Variants in RAD51B observed in about 807,000 individuals in gnomAD.
RAD51B encodes RAD51 paralog B.
A neutral mutation model predicts 42.2 loss-of-function variants in RAD51B; 38 were observed. That is an observed-to-expected ratio of 0.90 (90% CI 0.70 to 1.18). The LOEUF (loss-of-function observed/expected upper bound fraction) is 1.18, where lower values mean the gene tolerates loss of function less well. RAD51B is among the 50% of genes most tolerant of loss of function. The pLI, the probability that RAD51B is intolerant of heterozygous loss-of-function variation, is 0.00. For missense variants in RAD51B, 373 were observed against 400.7 expected, an observed-to-expected ratio of 0.93 and a Z score of 0.59; for synonymous variants, 154 against 145.2, an observed-to-expected ratio of 1.06 and a Z score of -0.43.
chr14:67,998,858 T>C (rs1354411561), intron 7 of RAD51B, among the ~76,000 whole-genome samples: 4 of 152,190 alleles, frequency 2.6e-5, no homozygotes, highest in Admixed American at 6.5e-5. Flanking sequence ...TTTGTTCTTA[T>C]GGAATTTACT....
chr14:67,895,812 C>T (rs374291815), intron 7 of RAD51B, among the ~76,000 whole-genome samples: 2 of 152,004 alleles, frequency 1.3e-5, no homozygotes, highest in African/African-American at 4.8e-5. Flanking sequence ...TATACTACCC[C>T]GAGACCTCTC....
intron 7 of RAD51B, among the ~76,000 whole-genome samples, chr14:68,276,306 A>T (rs1177534008): frequency 6.6e-6 from 1 of 152,094 alleles, no homozygotes; most frequent in Non-Finnish European, 1.5e-5. Flanking sequence ...TCCTCCCCTG[A>T]GTCTCCCATT....
chr14:68,062,686 G>T (rs537723528), intron 7 of RAD51B, among the ~76,000 whole-genome samples: 1 of 152,022 alleles, frequency 6.6e-6, no homozygotes, highest in Non-Finnish European at 1.5e-5. Flanking sequence ...ACAGGCACCT[G>T]TAATCCTAGC....
intron 4 of RAD51B, among the ~76,000 whole-genome samples, chr14:67,843,106 A>G (rs1431412316): frequency 6.7e-6 from 1 of 149,380 alleles, no homozygotes; most frequent in Non-Finnish European, 1.5e-5. Flanking sequence ...ATCCATGTTC[A>G]TCAGGGATAT....
At chr14:68,167,800 CTTA>C (rs2078783828) in intron 7 of RAD51B, among the ~76,000 whole-genome samples, 1 of 152,118 alleles carries the variant, frequency 6.6e-6, no homozygotes, top group Non-Finnish European at 1.5e-5. Flanking sequence ...TGATATTCTA[CTTA>C]TTATACTCCC....
intron 11 of RAD51B, among the ~76,000 whole-genome samples, chr14:68,673,625 T>G (rs912820637): frequency 1.1e-4 from 16 of 149,616 alleles, no homozygotes; most frequent in Admixed American, 7.9e-4. Context: ...GTACACATAC[T>G]GTGCACACAC....
intron 7 of RAD51B, among the ~76,000 whole-genome samples, chr14:68,185,431 G>A (rs117203639): frequency 0.014 from 2,112 of 152,124 alleles, 26 homozygotes; most frequent in Middle Eastern, 0.024. Context: ...TCTATTTGTC[G>A]CAAAGACAAT....
intron 8 of RAD51B, among the ~76,000 whole-genome samples, chr14:68,366,629 A>G (rs1350802883): frequency 6.6e-6 from 1 of 152,230 alleles, no homozygotes; most frequent in Non-Finnish European, 1.5e-5. Context: ...GATGCACAGA[A>G]GAAAGTTCCG....
chr14:68,538,867 C>T (rs531275290), intron 10 of RAD51B, among the ~76,000 whole-genome samples: 1 of 152,270 alleles, frequency 6.6e-6, no homozygotes, highest in East Asian at 1.9e-4. Flanking sequence ...TCTCTCATTT[C>T]GGTAACCTCT....
rs1308844497 is a variant in RAD51B at position 68,291,903 on chromosome 14, T to C, written c.776T>C (p.Ile259Thr). ...TCACAGGTTATCTTGACGAATCAGA[T>C]TACAACCCATCTGAGTGGAGCCCTG... ...FSIPVILTNQITTHLSGALAS... is the reference protein window; with the variant it reads ...FSIPVILTNQTTTHLSGALAS... The change falls in exon 8 of 11, where the codon ATT (isoleucine) becomes ACT (threonine). Residue 259 changes from isoleucine (I) to threonine (T), a missense_variant. Ile to Thr is a moderately conservative substitution (Grantham distance 89). Transcript: ENST00000471583. The C allele has an allele frequency of 6.2e-7, 1 of 1,613,742 alleles. No homozygotes were observed. Among genetic ancestry groups the C allele is most frequent in the South Asian group, 1.1e-5 (1 of 91,072 alleles).
At chr14:67,832,799 C>G (rs1199863480) in intron 3 of RAD51B, among the ~76,000 whole-genome samples, 4 of 151,994 alleles carry the variant, frequency 2.6e-5, no homozygotes, top group Non-Finnish European at 1.5e-5. Context: ...TGCCCTGGAG[C>G]AGGCAAAACT....
chr14:68,065,987 T>C (rs2076643610), intron 7 of RAD51B, among the ~76,000 whole-genome samples: 1 of 152,056 alleles, frequency 6.6e-6, no homozygotes, highest in South Asian at 2.1e-4. Context: ...TTCATAATTA[T>C]TTGATTAGAA....
At chr14:68,190,240 T>C (rs192906852) in intron 7 of RAD51B, among the ~76,000 whole-genome samples, 8 of 152,284 alleles carry the variant, frequency 5.3e-5, no homozygotes, top group Admixed American at 3.9e-4. Context: ...TAATTTACAT[T>C]AGGCACTCAA....
intron 10 of RAD51B, among the ~76,000 whole-genome samples, chr14:68,485,203 T>G (rs989538372): frequency 6.6e-6 from 1 of 152,164 alleles, no homozygotes; most frequent in African/African-American, 2.4e-5. Context: ...GCAAGCATAC[T>G]CATTCCCTCT....
rs565821224 is a variant in RAD51B, at chr14:68,494,583, C to T, written c.1036+26333C>T. ...TCAGTCTAGATGGGCACTTTCTTTC[C>T]ACTGTAAGCTGCTTCCTATTCTTGT... On this transcript the variant is annotated intron_variant, in intron 10 of 10. Coordinates refer to the RAD51B transcript ENST00000487270. 6.6e-5 allele frequency among the ~76,000 whole-genome samples: 10 copies of T among 152,244 alleles called. 2 individuals are homozygous for T. In the South Asian group the frequency reaches 2.1e-3, roughly 32 times the overall value.
At chr14:68,385,693 A>G (rs1190479706) in intron 8 of RAD51B, among the ~76,000 whole-genome samples, 1 of 152,188 alleles carries the variant, frequency 6.6e-6, no homozygotes, top group African/African-American at 2.4e-5. Flanking sequence ...AATTGTTCCT[A>G]TCAATTTATT....
At chr14:68,544,492 T>G (rs1375855129) in intron 10 of RAD51B, among the ~76,000 whole-genome samples, 3 of 152,348 alleles carry the variant, frequency 2.0e-5, no homozygotes, top group Non-Finnish European at 4.4e-5. Context: ...GCAAGCAGAT[T>G]GTATTTCCTT....
intron 8 of RAD51B, among the ~76,000 whole-genome samples, chr14:68,408,810 G>A (rs191352399): frequency 2.0e-5 from 3 of 152,246 alleles, no homozygotes; most frequent in Non-Finnish European, 4.4e-5. Context: ...AATAAGATGT[G>A]ACTAACTATG....
intron 7 of RAD51B, among the ~76,000 whole-genome samples, chr14:68,047,291 C>T (rs1484812462): frequency 6.6e-6 from 1 of 152,058 alleles, no homozygotes; most frequent in Non-Finnish European, 1.5e-5. Context: ...TTGAGGGAGC[C>T]AAGCTGCTAA....
Sources: gnomAD v4.1 joint callset for allele counts (sites outside exome capture counted in the v4.1 genomes callset) on GRCh38, gnomAD v4.1.1 for gene constraint, MANE v1.5 for transcripts, NCBI Gene and HGNC (gene_info 2026-07-23, HGNC 2026-07-21) for gene names.